PLPBP: variants seen among roughly 807,000 people sequenced by gnomAD.
PLPBP encodes pyridoxal phosphate homeostasis protein.
PLPBP carries 21 observed loss-of-function variants against 31.2 expected under a neutral mutation model. That is an observed-to-expected ratio of 0.67 (90% CI 0.48 to 0.97). The LOEUF (loss-of-function observed/expected upper bound fraction) is 0.97, where lower values mean the gene tolerates loss of function less well. Among genes scored for constraint, PLPBP ranks in the 50% least tolerant of loss-of-function variants. The pLI is 0.00. For missense variants in PLPBP, 308 were observed against 354.4 expected (o/e 0.87, Z 1.05); for synonymous variants, 124 against 135.6 (o/e 0.91, Z 0.59).
intron 4 of PLPBP, among the ~76,000 whole-genome samples, chr8:37,768,752 C>T (rs1228898555): frequency 1.3e-5 from 2 of 152,010 alleles, no homozygotes; most frequent in Admixed American, 1.3e-4. Flanking sequence ...GGATTACAGG[C>T]GTGAGCCACC....
chr8:37,775,107 G>A (rs118116446), intron 5 of PLPBP: 9,945 of 371,928 alleles, frequency 0.027, 191 homozygotes, highest in Non-Finnish European at 0.036. Context: ...TCCTGAGATG[G>A]AGGAAAGAGA....
rs1237922952 is a variant in PLPBP at position 37,778,944 on chromosome 8, C to A, written c.*840C>A. 6.6e-6 allele frequency: 1 copy of A among 151,942 alleles called. No individual in the cohort carries two copies. The highest frequency in any genetic ancestry group is 2.4e-5 in the African/African-American group (1 of 41,364). The allele number at this position is 151,942 out of a possible 1,614,324, so 9.4% of individuals were successfully genotyped here. On this transcript the variant is annotated 3_prime_UTR_variant, in exon 8 of 8. Transcript: ENST00000328195. ...AAAAAAAAAAAAAAATCCCAATAGT[C>A]CATGAAGGCTTTGATCTCTTGGGAA...
In PLPBP at chr8:37,762,709, T is replaced by C. The variant is rs1272562300; in HGVS notation, c.50T>C (p.Leu17Ser). 1.3e-6 allele frequency: 2 copies of C among 1,590,754 alleles called. No individual in the cohort carries two copies. The highest frequency in any genetic ancestry group is 1.8e-5 in the Admixed American group (1 of 57,036). The change falls in exon 1 of 8, where the codon TTG (leucine) becomes TCG (serine). Residue 17 changes from leucine (L) to serine (S), a missense_variant. By Grantham distance (145) the Leu-to-Ser change is moderately radical (BLOSUM62 -2). This residue lies in a region of PLPBP where 120 missense variants were observed against 95.1 expected (regional missense o/e 1.26). Transcript: ENST00000328195. Reference protein sequence around the residue: ...MSAELGVGCALRAVNERVQQA... With the variant: ...MSAELGVGCASRAVNERVQQA... The stretch of plus-strand genomic sequence containing the variant: ...GCCGAGCTGGGAGTCGGGTGCGCAT[T>C]GCGGGCGGTGAACGAGCGCGTGCAG...
chr8:37,775,495 G>A lies in PLPBP; in HGVS notation c.597+14G>A, dbSNP rs535633582. Reference sequence around the variant, plus strand: ...CCAGACTTCCAGGTACTGGGGGGTCGGGGAGATTGCTCGTGTGCTAAAGAA... The same window carrying A: ...CCAGACTTCCAGGTACTGGGGGGTCAGGGAGATTGCTCGTGTGCTAAAGAA... On this transcript the variant is annotated intron_variant, in intron 6 of 7. Coordinates refer to ENST00000328195, the MANE Select transcript of PLPBP (RefSeq NM_007198.4). 169 of 1,613,176 alleles carry A rather than the reference G, an allele frequency of 1.0e-4. 1 individual carries two copies. The highest frequency in any genetic ancestry group is 3.4e-4 in the South Asian group (31 of 91,032).
chr8:37,769,199 A>G (rs1013586169), intron 4 of PLPBP, among the ~76,000 whole-genome samples: 1 of 151,964 alleles, frequency 6.6e-6, no homozygotes, highest in Non-Finnish European at 1.5e-5. Context: ...AGCTGGGCGT[A>G]GTGGTGTGTG....
At chr8:37,762,611 T>G (rs779950799), upstream of PLPBP, 4 of 1,537,460 alleles carry the variant, frequency 2.6e-6, no homozygotes, top group Non-Finnish European at 3.5e-6. Context: ...GAAGATGGTG[T>G]GAGCCACGGG....
At chr8:37,766,597 TG>T in intron 4 of PLPBP, 5 of 1,136,454 alleles carry the variant, frequency 4.4e-6, no homozygotes, top group Non-Finnish European at 5.4e-6. Context: ...TATTATTATT[TG>T]GTGGTCTTTC....
intron 4 of PLPBP, among the ~76,000 whole-genome samples, chr8:37,771,829 G>A (rs1240546279): frequency 6.6e-6 from 1 of 152,060 alleles, no homozygotes; most frequent in Non-Finnish European, 1.5e-5. Context: ...GTGTAGTGGT[G>A]GGTGCCTGTA....
chr8:37,775,816 C>A, intron 6 of PLPBP, 102 bp from the exon 7 acceptor site: 2 of 1,226,662 alleles, frequency 1.6e-6, no homozygotes, highest in Non-Finnish European at 2.3e-6. Context: ...GCCTTGAAAT[C>A]ATAAGGAATA....
At chr8:37,766,151 A>G (rs1460187965) in intron 3 of PLPBP, 129 bp from the exon 4 acceptor site, 2 of 715,002 alleles carry the variant, frequency 2.8e-6, no homozygotes, top group South Asian at 1.9e-5. Flanking sequence ...CCGGGTGAAG[A>G]TTGTGATAGT....
intron 1 of PLPBP, among the ~76,000 whole-genome samples, chr8:37,764,906 C>A (rs930262366): frequency 1.3e-5 from 2 of 152,204 alleles, no homozygotes; most frequent in Admixed American, 6.5e-5. Flanking sequence ...CACAGTGGCT[C>A]ATGCCTGTAA....
intron 5 of PLPBP, among the ~76,000 whole-genome samples, chr8:37,773,207 G>A (rs1397129414): frequency 3.3e-5 from 5 of 151,666 alleles, no homozygotes; most frequent in South Asian, 2.1e-4. Context: ...TTGCTATGTC[G>A]CCCAGGCTGG....
chr8:37,775,556 A>G, intron 6 of PLPBP, 75 bp downstream of exon 6: 2 of 1,593,438 alleles, frequency 1.3e-6, no homozygotes, highest in South Asian at 1.1e-5. Flanking sequence ...GGCTGGCTGC[A>G]GTGGGGATTG....
At position 37,779,159 on chromosome 8, in the gene PLPBP, A is replaced by G. The variant is rs771302372; in HGVS notation, c.*1055A>G. ...TAAGGAGGACTTGGGCCTTTCTGAC[A>G]TCATCCTGAAGAGACAGGACTTTGC... On this transcript the variant is annotated 3_prime_UTR_variant, in exon 8 of 8. Coordinates refer to ENST00000328195, the MANE Select transcript of PLPBP (RefSeq NM_007198.4). 1 of 152,210 alleles carries G rather than the reference A, an allele frequency of 6.6e-6. No individual in the cohort carries two copies. Among genetic ancestry groups the G allele is most frequent in the Non-Finnish European group, 1.5e-5 (1 of 68,046 alleles). The allele number at this position is 152,210 out of a possible 1,614,324, so 9.4% of individuals were successfully genotyped here. A position where few individuals can be genotyped will look rare whatever the true frequency, so the allele number is the denominator to read the frequency against.
chr8:37,765,211 C>T (rs1803592029), intron 1 of PLPBP, among the ~76,000 whole-genome samples: 1 of 152,194 alleles, frequency 6.6e-6, no homozygotes, highest in Non-Finnish European at 1.5e-5. Context: ...CAGGTGATGC[C>T]GATGCAGTTG....
At chr8:37,773,051 A>C (rs547094394) in intron 5 of PLPBP, among the ~76,000 whole-genome samples, 162 bp downstream of exon 5, 1 of 152,326 alleles carries the variant, frequency 6.6e-6, no homozygotes, top group African/African-American at 2.4e-5. Flanking sequence ...AGGTAGCATA[A>C]TGGCATGCAA....
intron 7 of PLPBP, among the ~76,000 whole-genome samples, chr8:37,777,254 A>G (rs1197679133): frequency 6.6e-6 from 1 of 152,266 alleles, no homozygotes; most frequent in African/African-American, 2.4e-5. Flanking sequence ...ATTTCTTAAA[A>G]CAGTGCAAAA....
chr8:37,767,046 CAA>C (rs377103424), intron 4 of PLPBP, among the ~76,000 whole-genome samples: 36 of 57,164 alleles, frequency 6.3e-4, no homozygotes, highest in African/African-American at 2.4e-3. Context: ...GACTTCATCC[CAA>C]AAAAAAAAAA....
chr8:37,775,546 G>GGT (rs1353436265), intron 6 of PLPBP, 65 bp downstream of exon 6: 2 of 1,601,652 alleles, frequency 1.2e-6, no homozygotes, highest in Non-Finnish European at 1.7e-6. Flanking sequence ...GCTATTGCAG[G>GGT]GCTGGCTGCA....
Sources: gnomAD v4.1 joint callset for allele counts (sites outside exome capture counted in the v4.1 genomes callset) on GRCh38, gnomAD v4.1.1 for gene constraint, gnomAD v4.1.1 regional missense constraint, MANE v1.5 for transcripts, NCBI Gene and HGNC (gene_info 2026-07-23, HGNC 2026-07-21) for gene names.